Variants in ZGPAT observed in about 807,000 individuals in gnomAD.
ZGPAT encodes zinc finger CCCH-type with G patch domain-containing protein.
ZGPAT carries 39 observed loss-of-function variants against 47.9 expected under a neutral mutation model. That is an observed-to-expected ratio of 0.81 (90% CI 0.63 to 1.06). The LOEUF is 1.06. Ranked by LOEUF, ZGPAT falls within the 50% of genes least tolerant of loss-of-function variation. The pLI is 0.00. For synonymous variants in ZGPAT, 348 were observed against 292.9 expected (o/e 1.19, Z -1.92); for missense variants, 717 against 681.4 (o/e 1.05, Z -0.58).
intron 4 of ZGPAT, 124 bp from the exon 5 acceptor site, chr20:63,734,581 C>A: frequency 6.6e-7 from 1 of 1,519,332 alleles, no homozygotes; most frequent in Admixed American, 2.1e-5. Context: ...TTGGTCAAAG[C>A]CCGGGTCACC....
rs570703164 is a variant in ZGPAT, at chr20:63,712,756, G to A, written c.584+3592G>A. ...ACTAAAAATAAAAAACAAATTAGTC[G>A]GAGGTGGTGCACACCTGTAATCCCA... On this transcript the variant is annotated intron_variant, in intron 2 of 6. Transcript: ENST00000355969. Among the ~76,000 whole-genome samples the A allele has an allele frequency of 1.2e-4, 19 of 152,112 alleles. No individual in the cohort carries two copies. In the South Asian group the frequency reaches 1.7e-3, roughly 13 times the overall value.
At chr20:63,727,088 C>T (rs1412021163) in intron 2 of ZGPAT, among the ~76,000 whole-genome samples, 2 of 152,096 alleles carry the variant, frequency 1.3e-5, no homozygotes, top group African/African-American at 4.8e-5. Context: ...TAATGACAGG[C>T]ATCTACTATT....
chr20:63,725,048 G>C (rs750499328), intron 2 of ZGPAT, among the ~76,000 whole-genome samples: 2 of 145,404 alleles, frequency 1.4e-5, no homozygotes, highest in Non-Finnish European at 3.0e-5. Context: ...GCAGTGGCAC[G>C]ATCTCGGCTC....
chr20:63,721,353 AAT>A (rs890036908), intron 2 of ZGPAT, among the ~76,000 whole-genome samples: 2 of 142,516 alleles, frequency 1.4e-5, no homozygotes, highest in Non-Finnish European at 3.1e-5. Context: ...CTCTGTCTCA[AAT>A]AAAAAAAAAA....
intron 2 of ZGPAT, among the ~76,000 whole-genome samples, chr20:63,713,033 A>T (rs940658477): frequency 2.0e-5 from 3 of 152,112 alleles, no homozygotes; most frequent in African/African-American, 7.2e-5. Flanking sequence ...TCTTGGTTAA[A>T]TAAGTATTAT....
chr20:63,733,070 G>A, intron 2 of ZGPAT, 149 bp from the exon 3 acceptor site: 3 of 986,994 alleles, frequency 3.0e-6, no homozygotes, highest in Non-Finnish European at 4.4e-6. Context: ...GTATGTGTGT[G>A]CGTGAGTGTG....
At chr20:63,721,990 G>A (rs2091792796) in intron 2 of ZGPAT, among the ~76,000 whole-genome samples, 2 of 149,232 alleles carry the variant, frequency 1.3e-5, no homozygotes. Context: ...TCCAGCCTGG[G>A]CGACAGAGTG....
intron 2 of ZGPAT, among the ~76,000 whole-genome samples, chr20:63,719,892 CA>C (rs1487615990): frequency 6.6e-6 from 1 of 151,642 alleles, no homozygotes; most frequent in East Asian, 1.9e-4. Context: ...AGGCATGTGC[CA>C]CCACACCCAC....
chr20:63,709,706 TCTTA>T (rs780927791), intron 2 of ZGPAT, among the ~76,000 whole-genome samples: 7 of 151,490 alleles, frequency 4.6e-5, no homozygotes, highest in Non-Finnish European at 1.0e-4. Context: ...TGAGACAGGG[TCTTA>T]CTTTGTCAAC....
At chr20:63,734,394 C>T (rs1423643183) in intron 4 of ZGPAT, 10 of 448,580 alleles carry the variant, frequency 2.2e-5, no homozygotes, top group South Asian at 3.7e-5. Context: ...CTCACAGCCT[C>T]GCGAAGGTGG....
intron 5 of ZGPAT, 128 bp from the exon 6 acceptor site, chr20:63,735,031 G>A (rs2091965945): frequency 2.2e-6 from 3 of 1,375,450 alleles, no homozygotes; most frequent in Admixed American, 3.1e-5. Flanking sequence ...GGGTCCTACG[G>A]CCACAGCACT....
chr20:63,736,028 C>G lies in ZGPAT; in HGVS notation c.*109C>G. The G allele has an allele frequency of 6.9e-7, 1 of 1,458,122 alleles. No individual in the cohort carries two copies. The highest frequency in any genetic ancestry group is 9.2e-7 in the Non-Finnish European group (1 of 1,085,042). 90.3% of individuals were successfully genotyped at this position (1,458,122 alleles called of 1,614,324 possible). On this transcript the variant is annotated 3_prime_UTR_variant, in exon 7 of 7. Transcript: ENST00000355969. The stretch of plus-strand genomic sequence containing the variant: ...GGCCTGCTGGCCTGGGGCGTGCAGA[C>G]ACTGCTGAGTGGAGACAGAGCTGCG...
At chr20:63,720,928 C>T (rs778971536) in intron 2 of ZGPAT, among the ~76,000 whole-genome samples, 1 of 152,138 alleles carries the variant, frequency 6.6e-6, no homozygotes, top group Non-Finnish European at 1.5e-5. Flanking sequence ...TGTCGTTTCT[C>T]GTTTGTTTAG....
rs35298110 is a variant in ZGPAT at position 63,713,079 on chromosome 20, C to CTT, written c.584+3924_584+3925dup. On this transcript the variant is annotated intron_variant, in intron 2 of 6. Coordinates refer to ENST00000355969, the MANE Select transcript of ZGPAT (RefSeq NM_181485.3). The stretch of plus-strand genomic sequence containing the variant: ...TCTCTAAGGAATTGTTTTTCTTTTC[C>CTT]TTTTTTTTTTGAGACAGAGTCTTGC... Among the ~76,000 whole-genome samples the CTT allele has an allele frequency of 4.1e-4, 60 of 147,734 alleles. No homozygotes were observed. In the South Asian group the frequency reaches 4.3e-3, roughly 11 times the overall value.
chr20:63,733,110 GTGTC>G (rs1172573850), intron 2 of ZGPAT, 105 bp from the exon 3 acceptor site: 26 of 1,437,750 alleles, frequency 1.8e-5, no homozygotes, highest in Non-Finnish European at 2.4e-5. Flanking sequence ...GCACGCGTGT[GTGTC>G]TGTCTCCCTC....
chr20:63,712,358 G>A (rs1477475516), intron 2 of ZGPAT, among the ~76,000 whole-genome samples: 2 of 152,186 alleles, frequency 1.3e-5, no homozygotes, highest in African/African-American at 2.4e-5. Context: ...TTCCATTGGT[G>A]TATATGTGCC....
intron 2 of ZGPAT, among the ~76,000 whole-genome samples, chr20:63,713,882 A>AG (rs1179008801): frequency 6.6e-6 from 1 of 151,864 alleles, no homozygotes; most frequent in East Asian, 1.9e-4. Context: ...AAAAAAAAAA[A>AG]AAAAGAAATA....
At chr20:63,728,507 T>A (rs1292601371) in intron 2 of ZGPAT, among the ~76,000 whole-genome samples, 4 of 151,994 alleles carry the variant, frequency 2.6e-5, no homozygotes, top group African/African-American at 9.7e-5. Flanking sequence ...AGCCCCTCTC[T>A]CTTTGCTTTC....
chr20:63,711,869 G>A (rs2145638982), intron 2 of ZGPAT, among the ~76,000 whole-genome samples: 1 of 152,330 alleles, frequency 6.6e-6, no homozygotes, highest in African/African-American at 2.4e-5. Context: ...ACAGGCATGA[G>A]CCACCACACC....
Sources: gnomAD v4.1 joint callset for allele counts (sites outside exome capture counted in the v4.1 genomes callset) on GRCh38, gnomAD v4.1.1 for gene constraint, MANE v1.5 for transcripts, NCBI Gene and HGNC (gene_info 2026-07-23, HGNC 2026-07-21) for gene names.